Variants in EZH1 observed in about 807,000 individuals in gnomAD.
EZH1 encodes the protein histone-lysine N-methyltransferase EZH1.
A neutral mutation model predicts 100.5 loss-of-function variants in EZH1; 33 were observed. The ratio of observed to expected loss-of-function variants is 0.33; its 90% CI spans 0.25 to 0.44. EZH1 has a LOEUF of 0.44. Ranked by LOEUF, EZH1 falls within the 20% of genes least tolerant of loss-of-function variation. The pLI, the probability that EZH1 is intolerant of heterozygous loss-of-function variation, is 1.00. For synonymous variants in EZH1, 272 were observed against 313.8 expected (o/e 0.87, Z 1.41); for missense variants, 475 against 928.4 (o/e 0.51, Z 6.35).
At chr17:42,720,783 C>T (rs2053691073) in intron 6 of EZH1, among the ~76,000 whole-genome samples, 1 of 152,128 alleles carries the variant, frequency 6.6e-6, no homozygotes, top group South Asian at 2.1e-4. Context: ...CCTCAGCCTC[C>T]CGAGTAGCTG....
Position 42,718,667 on chromosome 17 carries a change from G to T in EZH1, c.768-50C>A. 1 of 1,597,376 alleles carries T rather than the reference G, an allele frequency of 6.3e-7. No homozygotes were observed. Among genetic ancestry groups the T allele is most frequent in the Non-Finnish European group, 8.6e-7 (1 of 1,167,850 alleles). On this transcript the variant is annotated intron_variant, in intron 8 of 20. Transcript: ENST00000428826. The surrounding 1 kb of genome is among the most constrained non-coding windows in gnomAD (Gnocchi z 4.2). ...GTTCCTCCGAGGAACTGCCTCCACT[G>T]AGGAAATACAGATTGGGTACTGACA...
At chr17:42,741,107 TTC>T (rs1248870783) in intron 1 of EZH1, among the ~76,000 whole-genome samples, 5 of 152,254 alleles carry the variant, frequency 3.3e-5, no homozygotes, top group Admixed American at 1.3e-4. Flanking sequence ...ACAAATTGTT[TTC>T]TCTTTTCTCT....
At chr17:42,727,509 C>G (rs1033903754) in intron 4 of EZH1, 126 bp downstream of exon 4, 2 of 1,157,596 alleles carry the variant, frequency 1.7e-6, no homozygotes, top group African/African-American at 3.2e-5. Flanking sequence ...TCCCAAATAG[C>G]TGGGAATACT....
chr17:42,742,747 T>C (rs1216076519), intron 1 of EZH1, among the ~76,000 whole-genome samples: 1 of 152,156 alleles, frequency 6.6e-6, no homozygotes, highest in Non-Finnish European at 1.5e-5. Flanking sequence ...GCCTTTGGAG[T>C]TGATTCATTA....
At chr17:42,713,081 G>A in intron 11 of EZH1, 128 bp downstream of exon 11, 2 of 568,774 alleles carry the variant, frequency 3.5e-6, no homozygotes. Context: ...CATCTTTACT[G>A]TTTACAAAAC....
chr17:42,720,432 C>T lies in EZH1; in HGVS notation c.505G>A (p.Val169Ile), dbSNP rs766116813. The change falls in exon 7 of 21, where the codon GTT (valine) becomes ATT (isoleucine). Residue 169 changes from valine (V) to isoleucine (I), a missense_variant. Val to Ile is a conservative substitution (Grantham distance 29). Around this residue, in one of 8 missense-constraint regions of EZH1, gnomAD observed 180 missense variants for 295.3 expected, o/e 0.61. Transcript: ENST00000428826. Reference sequence around the variant, plus strand: ...AGAAAAACAGCATCACTAATCAGAACGGATCCAGGGATCATCTCTGAAACA... The same window carrying T: ...AGAAAAACAGCATCACTAATCAGAATGGATCCAGGGATCATCTCTGAAACA... Reference protein sequence around the residue: ...HGEEEMIPGSVLISDAVFLEL... With the variant: ...HGEEEMIPGSILISDAVFLEL... 77 of 1,610,768 alleles carry T rather than the reference C, an allele frequency of 4.8e-5. No individual in the cohort carries two copies. The highest frequency in any genetic ancestry group is 4.7e-4 in the Admixed American group (28 of 58,982).
chr17:42,712,221 G>T, intron 12 of EZH1, 68 bp downstream of exon 12: 1 of 1,500,840 alleles, frequency 6.7e-7, no homozygotes, highest in Non-Finnish European at 9.1e-7. Flanking sequence ...CTGGTAAGAT[G>T]GCAAAGGGCT....
chr17:42,703,934 G>A (rs1438831462), intron 18 of EZH1, 114 bp from the exon 19 acceptor site: 2 of 791,470 alleles, frequency 2.5e-6, no homozygotes, highest in African/African-American at 3.4e-5. Context: ...TGATGGGAAT[G>A]TTGAAGCCCA....
At chr17:42,716,340 A>G (rs928473924) in intron 10 of EZH1, among the ~76,000 whole-genome samples, 1 of 152,230 alleles carries the variant, frequency 6.6e-6, no homozygotes, top group Non-Finnish European at 1.5e-5. Flanking sequence ...AAAGATATAC[A>G]TACGCAAATT....
intron 10 of EZH1, among the ~76,000 whole-genome samples, chr17:42,717,043 C>A (rs1795785561): frequency 6.6e-6 from 1 of 152,026 alleles, no homozygotes; most frequent in South Asian, 2.1e-4. Context: ...GGAGTTAGAC[C>A]CTGACTTGAA....
rs931431309 is a variant in EZH1 at position 42,718,815 on chromosome 17, A to C, written c.768-198T>G. 1.3e-5 allele frequency among the ~76,000 whole-genome samples: 2 copies of C among 152,068 alleles called. No individual in the cohort carries two copies. The highest frequency in any genetic ancestry group is 2.9e-5 in the Non-Finnish European group (2 of 68,016). The stretch of plus-strand genomic sequence containing the variant: ...TTATGCTGGGTTGGGCAAATGTTGG[A>C]AAGTAAGGGGAGGGAAGGATTTGTT... On this transcript the variant is annotated intron_variant, in intron 8 of 20. Coordinates refer to ENST00000428826, the MANE Select transcript of EZH1 (RefSeq NM_001991.5). The surrounding 1 kb of genome is among the most constrained non-coding windows in gnomAD (Gnocchi z 4.2).
intron 19 of EZH1, 103 bp from the exon 20 acceptor site, chr17:42,703,064 A>G: frequency 4.5e-6 from 5 of 1,118,312 alleles, no homozygotes; most frequent in Non-Finnish European, 6.8e-6. Context: ...GAAAACATGA[A>G]TCAAATGGAA....
Position 42,713,327 on chromosome 17 carries a change from C to A in EZH1, c.1086G>T (p.Arg362=). 1 of 1,612,462 alleles carries A rather than the reference C, an allele frequency of 6.2e-7. No individual in the cohort carries two copies. The highest frequency in any genetic ancestry group is 8.5e-7 in the Non-Finnish European group (1 of 1,178,640). Residue 362 remains arginine, a synonymous_variant, in exon 11 of 21, where the codon CGG becomes CGT. Transcript: ENST00000428826. ...AAGCACTGACTATGTGGTGCCTTCT[C>A]CGGCGACGACCAGAGCACTTGGAGC... ...NPRSKCSGRR[R]RRHHIVSASC...
rs2053254498 is a variant in EZH1 at position 42,702,170 on chromosome 17, G to T, written c.*362C>A. Reference sequence around the variant, plus strand: ...CTTGATGTGGAAAGCTACAATTACAGGCTAGCGCTTGTTGGGAACTGCCTA... The same window carrying T: ...CTTGATGTGGAAAGCTACAATTACATGCTAGCGCTTGTTGGGAACTGCCTA... On this transcript the variant is annotated 3_prime_UTR_variant, in exon 21 of 21. Coordinates refer to ENST00000428826, the MANE Select transcript of EZH1 (RefSeq NM_001991.5). The T allele has an allele frequency of 4.6e-6, 1 of 216,602 alleles. No individual in the cohort carries two copies. The highest frequency in any genetic ancestry group is 2.3e-5 in the African/African-American group (1 of 44,236). The allele number at this position is 216,602 out of a possible 1,614,324, so 13.4% of individuals were successfully genotyped here. A position where few individuals can be genotyped will look rare whatever the true frequency, so the allele number is the denominator to read the frequency against.
chr17:42,718,240 G>A lies in EZH1; in HGVS notation c.932-173C>T. On this transcript the variant is annotated intron_variant, in intron 9 of 20. Coordinates refer to ENST00000428826, the MANE Select transcript of EZH1 (RefSeq NM_001991.5). The surrounding 1 kb of genome is among the most constrained non-coding windows in gnomAD (Gnocchi z 4.2). ...ATCAACACAATGCTTTCAAAGCTAA[G>A]AGGTACTGAGGGACAGATAAGTTGC... The A allele has an allele frequency of 3.7e-6, 3 of 819,642 alleles. No individual in the cohort carries two copies. Among genetic ancestry groups the A allele is most frequent in the Non-Finnish European group, 1.9e-6 (1 of 526,358 alleles). The allele number at this position is 819,642 out of a possible 1,614,324, so 50.8% of individuals were successfully genotyped here. A position where few individuals can be genotyped will look rare whatever the true frequency, so the allele number is the denominator to read the frequency against.
chr17:42,721,968 G>A (rs980123968), intron 6 of EZH1, among the ~76,000 whole-genome samples: 2 of 151,684 alleles, frequency 1.3e-5, no homozygotes, highest in Admixed American at 6.6e-5. Flanking sequence ...TGGCTCACAC[G>A]GTGAAACCCC....
At chr17:42,724,940 G>A (rs1031418129) in intron 4 of EZH1, among the ~76,000 whole-genome samples, 29 of 152,064 alleles carry the variant, frequency 1.9e-4, no homozygotes, top group Admixed American at 1.3e-3. Context: ...AGACCGAGGC[G>A]GGTGGATCAT....
intron 16 of EZH1, chr17:42,705,761 G>T: frequency 3.1e-6 from 1 of 318,528 alleles, no homozygotes; most frequent in Non-Finnish European, 5.8e-6. Flanking sequence ...CTCATGATCC[G>T]CTGGCCTCGG....
chr17:42,713,905 A>C (rs183400710), intron 10 of EZH1, among the ~76,000 whole-genome samples: 26 of 152,334 alleles, frequency 1.7e-4, no homozygotes, highest in Admixed American at 1.6e-3. Context: ...AGATTCAGAG[A>C]GGGGAAGAAA....
Sources: gnomAD v4.1 joint callset for allele counts (sites outside exome capture counted in the v4.1 genomes callset) on GRCh38, gnomAD v4.1.1 for gene constraint, gnomAD v4.1.1 regional missense constraint, Gnocchi (gnomAD v3.1) non-coding constraint, MANE v1.5 for transcripts, NCBI Gene and HGNC (gene_info 2026-07-23, HGNC 2026-07-21) for gene names.